The following FMNL3 variants were observed in gnomAD, a reference collection of about 807,000 sequenced individuals.
The protein encoded by FMNL3 is formin like 3.
Under a neutral mutation model 119.6 loss-of-function variants are expected in FMNL3, and 57 were observed. The observed-to-expected ratio is 0.48, with a 90% CI of 0.39 to 0.59. The LOEUF (loss-of-function observed/expected upper bound fraction) is 0.59, where lower values mean the gene tolerates loss of function less well. Ranked by LOEUF, FMNL3 falls within the 20% of genes least tolerant of loss-of-function variation. FMNL3 has a pLI of 0.00. For missense variants in FMNL3, 1,053 were observed against 1,323.5 expected (o/e 0.80, Z 3.17); for synonymous variants, 491 against 507.3 (o/e 0.97, Z 0.43).
At position 49,637,921 on chromosome 12, in the gene FMNL3, C is replaced by T. The variant is rs1942069235; in HGVS notation, c.*7894G>A. ...TAAGTCCTGTTTTGCAGAAGCATTACAGCTTGGTTCAGCAGATATCTACTG... is the reference window on the plus strand; with the variant it reads ...TAAGTCCTGTTTTGCAGAAGCATTATAGCTTGGTTCAGCAGATATCTACTG... On this transcript the variant is annotated 3_prime_UTR_variant, in exon 26 of 26. Coordinates refer to ENST00000335154, the MANE Select transcript of FMNL3 (RefSeq NM_175736.5). The T allele has an allele frequency of 2.1e-6, 2 of 939,582 alleles. No individual in the cohort carries two copies. The highest frequency in any genetic ancestry group is 2.1e-5 in the Admixed American group (1 of 48,432). 58.2% of individuals were successfully genotyped at this position (939,582 alleles called of 1,614,324 possible).
At chr12:49,665,967 A>G in intron 3 of FMNL3, 59 bp from the exon 4 acceptor site, 1 of 1,585,272 alleles carries the variant, frequency 6.3e-7, no homozygotes, top group Non-Finnish European at 8.7e-7. Context: ...CTTTCCCTCC[A>G]TTACTGGCCA....
Position 49,675,927 on chromosome 12 carries a change from A to G in FMNL3, c.127-7373T>C, listed in dbSNP as rs1237789031. On this transcript the variant is annotated intron_variant, in intron 1 of 25. Transcript: ENST00000335154. ...GACCAGCCTCATCCTCTCCCACTCT[A>G]TGGAATCTCTCTCTCCTGGGACAGC... Among the ~76,000 whole-genome samples the G allele has an allele frequency of 3.3e-5, 5 of 151,962 alleles. No homozygotes were observed. In the East Asian group the frequency reaches 9.6e-4, roughly 29 times the overall value.
intron 1 of FMNL3, among the ~76,000 whole-genome samples, chr12:49,669,481 A>G (rs935519875): frequency 6.6e-6 from 1 of 152,160 alleles, no homozygotes; most frequent in African/African-American, 2.4e-5. Flanking sequence ...CCATTCAGTC[A>G]AACCTTTCTT....
intron 10 of FMNL3, 62 bp downstream of exon 10, chr12:49,654,848 T>A (rs192851317): frequency 6.6e-7 from 1 of 1,513,434 alleles, no homozygotes; most frequent in East Asian, 2.3e-5. Flanking sequence ...CTCACCCCTG[T>A]TGTCAAGGAA....
At chr12:49,669,516 C>T (rs894065413) in intron 1 of FMNL3, among the ~76,000 whole-genome samples, 2 of 152,158 alleles carry the variant, frequency 1.3e-5, no homozygotes, top group Non-Finnish European at 2.9e-5. Flanking sequence ...TGTCTTTGTT[C>T]CAGGTCACAG....
At chr12:49,680,873 C>G (rs1033617275) in intron 1 of FMNL3, among the ~76,000 whole-genome samples, 3 of 152,194 alleles carry the variant, frequency 2.0e-5, no homozygotes, top group Non-Finnish European at 2.9e-5. Flanking sequence ...CAGAAAGTAG[C>G]AGGACCCAAA....
intron 1 of FMNL3, among the ~76,000 whole-genome samples, chr12:49,687,172 C>T (rs571655100): frequency 2.0e-4 from 30 of 151,202 alleles, no homozygotes; most frequent in African/African-American, 6.8e-4. Flanking sequence ...CGGCTCACTG[C>T]ACCCTCCGCC....
At chr12:49,687,445 A>G (rs1475284423) in intron 1 of FMNL3, among the ~76,000 whole-genome samples, 1 of 151,376 alleles carries the variant, frequency 6.6e-6, no homozygotes, top group Non-Finnish European at 1.5e-5. Flanking sequence ...TCAACCTCCG[A>G]AAGTCAGGGG....
intron 1 of FMNL3, among the ~76,000 whole-genome samples, chr12:49,679,005 A>C (rs1944266997): frequency 6.6e-6 from 1 of 152,248 alleles, no homozygotes; most frequent in Non-Finnish European, 1.5e-5. Context: ...AGGTGGCATA[A>C]GTAGGATAAT....
In FMNL3 at chr12:49,642,511, T is replaced by C; in HGVS notation, c.*3304A>G. On this transcript the variant is annotated 3_prime_UTR_variant, in exon 26 of 26. Transcript: ENST00000335154. The surrounding 1 kb of genome is among the most constrained non-coding windows in gnomAD (Gnocchi z 5.8). ...CTTTCTCTGCCCCAGCCCTGCCCTG[T>C]GCTCATGGCGGTGTCCAGGCCAGGC... 2 of 1,586,610 alleles carry C rather than the reference T, an allele frequency of 1.3e-6. No individual in the cohort carries two copies. Among genetic ancestry groups the C allele is most frequent in the African/African-American group, 2.7e-5 (2 of 74,442 alleles).
rs2138712504 is a variant in FMNL3, at chr12:49,648,305, A to G, written c.2564T>C (p.Met855Thr). 1.9e-6 allele frequency: 3 copies of G among 1,613,560 alleles called. No individual in the cohort carries two copies. The highest frequency in any genetic ancestry group is 2.2e-5 in the East Asian group (1 of 44,812). The change falls in exon 22 of 26, where the codon ATG (methionine) becomes ACG (threonine). Residue 855 changes from methionine (M) to threonine (T), a missense_variant. By Grantham distance (81) the Met-to-Thr change is moderately conservative (BLOSUM62 -1). Around this residue, in one of 4 missense-constraint regions of FMNL3, gnomAD observed 324 missense variants for 380.9 expected, o/e 0.85. Coordinates refer to ENST00000335154, the MANE Select transcript of FMNL3 (RefSeq NM_175736.5). The part of the protein sequence containing the change: ...LLDVKELGRG[M>T]ELIRRECSIH... ...GCTGCACTCACGCCGAATCAGCTCC[A>G]TGCCCCGGCCCAGCTCCTTCACGTC...
rs569717431 is a variant in FMNL3, at chr12:49,653,295, T to G, written c.1254A>C (p.Glu418Asp). Residue 418 changes from glutamate (E) to aspartate (D), a missense_variant, in exon 13 of 26, where the codon GAA (glutamate) becomes GAC (aspartate). By Grantham distance (45) the Glu-to-Asp change is conservative. Around this residue, in one of 4 missense-constraint regions of FMNL3, gnomAD observed 445 missense variants for 628.4 expected, o/e 0.71. Coordinates refer to ENST00000335154, the MANE Select transcript of FMNL3 (RefSeq NM_175736.5). ...CTAGTTCTGCCACCCGCATCATGTT[T>G]TCATTCTCTAGGTCCAGAAGCTTCT... is the stretch of plus-strand genomic sequence containing the variant. The part of the protein sequence containing the change: ...LTEKLLDLEN[E>D]NMMRVAELEK... The G allele has an allele frequency of 6.2e-6, 10 of 1,614,134 alleles. No individual in the cohort carries two copies. The highest frequency in any genetic ancestry group is 3.3e-4 in the Middle Eastern group (2 of 6,062).
chr12:49,651,174 G>A lies in FMNL3; in HGVS notation c.1791C>T (p.Ile597=). ...GGACCCCAGGCCCTGTTACCTCCAAGATCTTCTCATCATCAAGTTCGCTGA... is the reference window on the plus strand; with the variant it reads ...GGACCCCAGGCCCTGTTACCTCCAAAATCTTCTCATCATCAAGTTCGCTGA... ...TVFSELDDEK[I]LEDLDLDKFE... The change falls in exon 16 of 26, where the codon ATC becomes ATT. Residue 597 remains isoleucine, a synonymous_variant. Coordinates refer to ENST00000335154, the MANE Select transcript of FMNL3 (RefSeq NM_175736.5). 2 of 1,613,016 alleles carry A rather than the reference G, an allele frequency of 1.2e-6. No homozygotes were observed. Among genetic ancestry groups the A allele is most frequent in the Non-Finnish European group, 1.7e-6 (2 of 1,179,072 alleles).
chr12:49,637,382 C>G lies in FMNL3; in HGVS notation c.*8433G>C. 2.3e-6 allele frequency: 2 copies of G among 866,572 alleles called. No individual in the cohort carries two copies. Among genetic ancestry groups the G allele is most frequent in the Non-Finnish European group, 3.7e-6 (2 of 534,962 alleles). 53.7% of individuals were successfully genotyped at this position (866,572 alleles called of 1,614,324 possible). On this transcript the variant is annotated 3_prime_UTR_variant, in exon 26 of 26. Transcript: ENST00000335154. Reference sequence around the variant, plus strand: ...TCCTCAATCTTGATTGTCCCTGCCTCTTCCTCTGCCATTCCCTCTCTTCCC... The same window carrying G: ...TCCTCAATCTTGATTGTCCCTGCCTGTTCCTCTGCCATTCCCTCTCTTCCC...
Position 49,638,637 on chromosome 12 carries a change from G to A in FMNL3, c.*7178C>T, listed in dbSNP as rs1269929357. ...AAAACAAAGAGCATATTTCTTTATGGAAGTGAAGATTCTAATGCATTTGAG... is the reference window on the plus strand; with the variant it reads ...AAAACAAAGAGCATATTTCTTTATGAAAGTGAAGATTCTAATGCATTTGAG... On this transcript the variant is annotated 3_prime_UTR_variant, in exon 26 of 26. Transcript: ENST00000335154. 2.6e-5 allele frequency: 4 copies of A among 152,240 alleles called. No individual in the cohort carries two copies. The East Asian group carries it at 7.7e-4, about 29-fold the overall frequency. 9.4% of individuals were successfully genotyped at this position (152,240 alleles called of 1,614,324 possible). A position where few individuals can be genotyped will look rare whatever the true frequency, so the allele number is the denominator to read the frequency against.
At chr12:49,652,395 C>T (rs1943432722) in intron 13 of FMNL3, among the ~76,000 whole-genome samples, 183 bp from the exon 14 acceptor site, 1 of 152,142 alleles carries the variant, frequency 6.6e-6, no homozygotes, top group Admixed American at 6.5e-5. Context: ...ACAAAAGAGG[C>T]AAGCAGAAGC....
At chr12:49,669,623 G>A (rs951406366) in intron 1 of FMNL3, among the ~76,000 whole-genome samples, 2 of 152,224 alleles carry the variant, frequency 1.3e-5, no homozygotes, top group African/African-American at 4.8e-5. Flanking sequence ...CTTGAGGCCA[G>A]GTGTTCAAGA....
At chr12:49,659,396 C>T (rs1236098257) in intron 5 of FMNL3, among the ~76,000 whole-genome samples, 1 of 151,886 alleles carries the variant, frequency 6.6e-6, no homozygotes, top group Non-Finnish European at 1.5e-5. Context: ...TGTCTTCCAC[C>T]ATCAGCAATT....
At chr12:49,656,944 G>T in intron 7 of FMNL3, 45 bp from the exon 8 acceptor site, 4 of 1,568,090 alleles carry the variant, frequency 2.6e-6, no homozygotes, top group Non-Finnish European at 3.5e-6. Flanking sequence ...TGGTGGGGAA[G>T]GGGGAGCCCA....
Sources: allele counts gnomAD v4.1 joint callset (sites outside exome capture counted in the v4.1 genomes callset), GRCh38; gene constraint gnomAD v4.1.1; regional missense constraint gnomAD v4.1.1; non-coding constraint Gnocchi (gnomAD v3.1); transcripts MANE v1.5; gene names NCBI Gene and HGNC (gene_info 2026-07-23, HGNC 2026-07-21).